PARP10: variants seen among roughly 807,000 people sequenced by gnomAD.
PARP10 encodes poly(ADP-ribose) polymerase family member 10.
In PARP10, 56 loss-of-function variants were observed where a neutral mutation model predicts 82.4. That is an observed-to-expected ratio of 0.68 (90% CI 0.55 to 0.85). PARP10 has a LOEUF of 0.85. Ranked by LOEUF, PARP10 falls within the 40% of genes least tolerant of loss-of-function variation. The pLI is 0.00. For synonymous variants in PARP10, 576 were observed against 601.1 expected, an observed-to-expected ratio of 0.96 and a Z score of 0.61; for missense variants, 1,227 against 1,379.4, an observed-to-expected ratio of 0.89 and a Z score of 1.75.
At chr8:144,007,952 G>A (rs1554752190) in intron 1 of PARP10, among the ~76,000 whole-genome samples, 2 of 152,204 alleles carry the variant, frequency 1.3e-5, no homozygotes, top group African/African-American at 2.4e-5. Flanking sequence ...GCTCAATAAT[G>A]TCAGCTATGG....
Position 143,984,387 on chromosome 8 carries a change from C to T in PARP10, c.1503G>A (p.Leu501=). 1 of 1,612,640 alleles carries T rather than the reference C, an allele frequency of 6.2e-7. No individual in the cohort carries two copies. The highest frequency in any genetic ancestry group is 8.5e-7 in the Non-Finnish European group (1 of 1,179,688). Reference sequence around the variant, plus strand: ...AGCTAATGCTGCCCAGCAGGCTCCGCAGAAACTCCTCAGCCGCCTGGCAGG... The same window carrying T: ...AGCTAATGCTGCCCAGCAGGCTCCGTAGAAACTCCTCAGCCGCCTGGCAGG... The part of the protein sequence containing the change: ...QASCQAAEEF[L]RSLLGSISCH... The change falls in exon 6 of 11, where the codon CTG becomes CTA. Residue 501 remains leucine, a synonymous_variant. Transcript: ENST00000313028.
Position 143,985,141 on chromosome 8 carries a change from C to G in PARP10, c.861G>C (p.Leu287=). 6.2e-7 allele frequency: 1 copy of G among 1,614,140 alleles called. No individual in the cohort carries two copies. The highest frequency in any genetic ancestry group is 2.2e-5 in the East Asian group (1 of 44,872). ...LLRTGGLVTA[L]QGAGTVTMGS... ...CCATTGTCACAGTCCCTGCACCCTG[C>G]AGAGCCGTCACCAACCCTCCGGTCC... The change falls in exon 5 of 11, where the codon CTG becomes CTC. Residue 287 remains leucine, a synonymous_variant. Transcript: ENST00000313028.
chr8:144,005,555 C>A (rs1172899956), intron 1 of PARP10, among the ~76,000 whole-genome samples: 1 of 152,144 alleles, frequency 6.6e-6, no homozygotes. Context: ...ACCCTCGTAG[C>A]CTTTCCATGT....
At chr8:144,012,325 G>A (rs1470859430) in intron 1 of PARP10, 5 of 602,004 alleles carry the variant, frequency 8.3e-6, no homozygotes, top group South Asian at 6.0e-5. Context: ...TGGTGGCATG[G>A]AGAGCTGAGG....
chr8:143,977,865 G>A (rs782714452), intron 10 of PARP10, 35 bp from the exon 11 acceptor site: 3 of 1,598,140 alleles, frequency 1.9e-6, no homozygotes, highest in East Asian at 4.5e-5. Context: ...CAGGGTGGTC[G>A]GGGTGCGCAG....
chr8:143,999,170 G>A (rs1322859779), intron 1 of PARP10, among the ~76,000 whole-genome samples: 1 of 151,982 alleles, frequency 6.6e-6, no homozygotes, highest in African/African-American at 2.4e-5. Context: ...CTCCCAAGTA[G>A]CTAGGACCAC....
chr8:143,984,513 T>G (rs1833938227), intron 5 of PARP10, 31 bp downstream of exon 5: 1 of 1,593,638 alleles, frequency 6.3e-7, no homozygotes, highest in Non-Finnish European at 8.5e-7. Flanking sequence ...AGGAGGGGGC[T>G]GAAGGTGAGG....
chr8:143,983,629 C>A lies in PARP10; in HGVS notation c.1960G>T (p.Ala654Ser), dbSNP rs1554748328. ...CGGTGGAGGGCCAGCTGCAGAGCGG[C>A]CTCCTCCTCCAGCCACCTGGGTGCC... ...TVAPRWLEEE[A>S]ALQLALHRSL... The change falls in exon 8 of 11, where the codon GCC becomes TCC. Residue 654 changes from alanine to serine, a missense_variant. Ala to Ser is a moderately conservative substitution (Grantham distance 99). Coordinates refer to ENST00000313028, the MANE Select transcript of PARP10 (RefSeq NM_032789.5). The A allele has an allele frequency of 6.2e-7, 1 of 1,604,948 alleles. No homozygotes were observed. Among genetic ancestry groups the A allele is most frequent in the Non-Finnish European group, 8.5e-7 (1 of 1,175,786 alleles).
intron 1 of PARP10, among the ~76,000 whole-genome samples, chr8:144,003,037 C>T (rs868943703): frequency 9.9e-5 from 15 of 152,260 alleles, no homozygotes; most frequent in Middle Eastern, 3.4e-3. Context: ...GCAGGACAAT[C>T]GATTTTTAAA....
At chr8:144,009,579 G>T (rs569494286) in intron 1 of PARP10, among the ~76,000 whole-genome samples, 2 of 152,102 alleles carry the variant, frequency 1.3e-5, no homozygotes, top group Admixed American at 6.5e-5. Context: ...TACCTCTAAC[G>T]TGTATCTTTC....
intron 1 of PARP10, among the ~76,000 whole-genome samples, chr8:144,004,692 G>A (rs1259685958): frequency 2.0e-5 from 3 of 152,200 alleles, no homozygotes; most frequent in African/African-American, 7.2e-5. Flanking sequence ...GGGTTGGGGA[G>A]AGGACCAACT....
chr8:144,005,223 G>A (rs1334388255), intron 1 of PARP10, among the ~76,000 whole-genome samples: 1 of 151,698 alleles, frequency 6.6e-6, no homozygotes, highest in Admixed American at 6.6e-5. Flanking sequence ...GGAGAGCATC[G>A]GGGAGGGACC....
Position 143,986,228 on chromosome 8 carries a change from G to T in PARP10, c.8C>A (p.Ala3Glu). The T allele has an allele frequency of 6.2e-7, 1 of 1,613,990 alleles. No homozygotes were observed. Among genetic ancestry groups the T allele is most frequent in the Non-Finnish European group, 8.5e-7 (1 of 1,179,920 alleles). Residue 3 changes from alanine (A) to glutamate (E), a missense_variant, in exon 2 of 11, where the codon GCA becomes GAA. Ala to Glu is a moderately radical substitution (Grantham distance 107). Transcript: ENST00000313028. ...CACCCCTGCCTCTGCCTCCGCCATT[G>T]CAACCCTGGGACGGGGCATCAGGTG... The part of the protein sequence containing the change: MV[A>E]MAEAEAGVAV...
At chr8:143,983,128 G>A (rs781830757) in intron 8 of PARP10, 39 bp downstream of exon 8, 7 of 1,612,186 alleles carry the variant, frequency 4.3e-6, no homozygotes, top group Non-Finnish European at 5.9e-6. Flanking sequence ...CTGCTAACCA[G>A]CCCACCCCAC....
At chr8:144,006,248 G>A (rs1398278830) in intron 1 of PARP10, among the ~76,000 whole-genome samples, 1 of 152,246 alleles carries the variant, frequency 6.6e-6, no homozygotes, top group African/African-American at 2.4e-5. Context: ...TGAAGAGAAA[G>A]TGTGTTAAGC....
In PARP10 at chr8:143,986,104, G is replaced by C; in HGVS notation, c.132C>G (p.Ser44Arg). The C allele has an allele frequency of 6.2e-7, 1 of 1,614,074 alleles. No homozygotes were observed. Among genetic ancestry groups the C allele is most frequent in the South Asian group, 1.1e-5 (1 of 91,086 alleles). ...CGCCCCCACAGCCCAGTCTCTGCCA[G>C]CTCAACACAGGTCCCCCTCCAGAGC... ...RRRSGGGPVL[S>R]WQRLGCGGVL... is the part of the protein sequence containing the mutation. The change falls in exon 2 of 11, where the codon AGC (serine) becomes AGG (arginine). Residue 44 changes from serine (S) to arginine (R), a missense_variant. Physicochemically the swap from Ser to Arg is moderately radical, Grantham distance 110. Transcript: ENST00000313028.
chr8:143,999,543 G>T (rs981128545), intron 1 of PARP10, among the ~76,000 whole-genome samples: 4 of 151,628 alleles, frequency 2.6e-5, no homozygotes. Flanking sequence ...AGGAGACGGG[G>T]GTCTCACTAT....
chr8:143,989,509 C>T (rs1178103801), upstream of PARP10: 1 of 152,172 alleles, frequency 6.6e-6, no homozygotes, highest in African/African-American at 2.4e-5. The surrounding 1 kb of genome is among the most constrained non-coding windows in gnomAD (Gnocchi z 4.3). Context: ...GATGGATACC[C>T]CATTTACCTT....
chr8:143,985,412 C>T lies in PARP10; in HGVS notation c.673G>A (p.Val225Met). The change falls in exon 4 of 11, where the codon GTG becomes ATG. Residue 225 changes from valine to methionine, a missense_variant and splice_region_variant. Transcript: ENST00000313028. The part of the protein sequence containing the change: ...GTVASFQQWQ[V>M]AERVLQQEHR... ...GCTGGGTCTGCCCAGCCCCACTCAC[C>T]TTGCCACTGCTGGAAGGAGGCAACA... 2 of 1,608,144 alleles carry T rather than the reference C, an allele frequency of 1.2e-6. No individual in the cohort carries two copies. The highest frequency in any genetic ancestry group is 1.1e-5 in the South Asian group (1 of 90,304).
Sources: gnomAD v4.1 joint callset for allele counts (sites outside exome capture counted in the v4.1 genomes callset) on GRCh38, gnomAD v4.1.1 for gene constraint, Gnocchi (gnomAD v3.1) non-coding constraint, MANE v1.5 for transcripts, NCBI Gene and HGNC (gene_info 2026-07-23, HGNC 2026-07-21) for gene names.